Variants in IPO4 observed in about 807,000 individuals in gnomAD.
IPO4 encodes the protein importin-4.
A neutral mutation model predicts 133.5 loss-of-function variants in IPO4; 91 were observed. That is an observed-to-expected ratio of 0.68 (90% CI 0.58 to 0.81). The LOEUF (loss-of-function observed/expected upper bound fraction) is 0.81. IPO4 is among the 30% of genes least tolerant of loss of function. The pLI, the probability that IPO4 is intolerant of heterozygous loss-of-function variation, is 0.00. For synonymous variants in IPO4, 607 were observed against 581.6 expected, an observed-to-expected ratio of 1.04 and a Z score of -0.63; for missense variants, 1,279 against 1,386.2, an observed-to-expected ratio of 0.92 and a Z score of 1.23.
chr14:24,182,220 TG>T, intron 25 of IPO4, 57 bp from the exon 26 acceptor site: 1 of 1,613,632 alleles, frequency 6.2e-7, no homozygotes, highest in Non-Finnish European at 8.5e-7. Context: ...ATAAAGGCTG[TG>T]GTGGGCACCG....
Position 24,186,292 on chromosome 14 carries a change from C to T in IPO4, c.1000G>A (p.Val334Ile), listed in dbSNP as rs1186015837. 2.2e-5 allele frequency: 36 copies of T among 1,605,188 alleles called. No homozygotes were observed. The highest frequency in any genetic ancestry group is 2.8e-5 in the Non-Finnish European group (33 of 1,174,492). The part of the protein sequence containing the change: ...LMGETPKHFA[V>I]QVVDMLALHL... ...TGTCCTGCCCCACATCTCACTTGTA[C>T]AGCGAAATGCTTGGGAGTCTCCCCC... Residue 334 changes from valine to isoleucine, a missense_variant, in exon 10 of 30, where the codon GTA becomes ATA. Val to Ile is a conservative substitution (Grantham distance 29, BLOSUM62 3). Coordinates refer to ENST00000354464, the MANE Select transcript of IPO4 (RefSeq NM_024658.4).
At chr14:24,180,594 A>G (rs1241337873) in intron 29 of IPO4, 22 bp from the exon 30 acceptor site, 5 of 1,612,552 alleles carry the variant, frequency 3.1e-6, no homozygotes, top group Non-Finnish European at 4.2e-6. Context: ...GGGAGGGAGA[A>G]AGGTCGGGGC....
In IPO4 at chr14:24,187,347, G is replaced by A. The variant is rs114258766; in HGVS notation, c.588+53C>T. The A allele has an allele frequency of 5.0e-6, 8 of 1,589,224 alleles. No homozygotes were observed. In the African/African-American group the frequency reaches 1.1e-4, roughly 21 times the overall value. ...CAGCTTTGTAACTTTTACGGGTGAG[G>A]ACATGAAGGCATGAGGAAAGGGAGT... On this transcript the variant is annotated intron_variant, in intron 6 of 29. Transcript: ENST00000354464.
intron 4 of IPO4, 146 bp downstream of exon 4, chr14:24,188,070 G>C (rs1325947840): frequency 1.1e-6 from 1 of 890,684 alleles, no homozygotes; most frequent in East Asian, 2.6e-5. Flanking sequence ...AAGAACTTTA[G>C]TCTTCAAAAC....
chr14:24,188,225 C>G lies in IPO4; in HGVS notation c.269G>C (p.Arg90Thr), dbSNP rs950559504. Reference protein sequence around the residue: ...LKSLILTALQRETEHCVSLSL... With the variant: ...LKSLILTALQTETEHCVSLSL... ...GTGGGTAGGTACTTACTCTGTTTCT[C>G]TCTGCAGGGCCGTCAGGATCAGGGA... Residue 90 changes from arginine to threonine, a missense_variant, in exon 4 of 30, where the codon AGA becomes ACA. By Grantham distance (71) the Arg-to-Thr change is moderately conservative. Coordinates refer to ENST00000354464, the MANE Select transcript of IPO4 (RefSeq NM_024658.4). 6.2e-7 allele frequency: 1 copy of G among 1,613,376 alleles called. No individual in the cohort carries two copies. Among genetic ancestry groups the G allele is most frequent in the African/African-American group, 1.3e-5 (1 of 74,932 alleles).
At position 24,188,547 on chromosome 14, in the gene IPO4, C is replaced by A; in HGVS notation, c.156+5G>T. 1 of 1,611,784 alleles carries A rather than the reference C, an allele frequency of 6.2e-7. No homozygotes were observed. The highest frequency in any genetic ancestry group is 1.7e-5 in the Admixed American group (1 of 59,882). On this transcript the variant is annotated splice_donor_5th_base_variant and intron_variant, in intron 2 of 29. Transcript: ENST00000354464. Reference sequence around the variant, plus strand: ...AAGCTCGGAGGGGAGAGTCAGGGGTCTCACCTGGGGGTCGGCCGCCGAGGC... The same window carrying A: ...AAGCTCGGAGGGGAGAGTCAGGGGTATCACCTGGGGGTCGGCCGCCGAGGC...
intron 14 of IPO4, 42 bp downstream of exon 14, chr14:24,185,141 C>T (rs774699888): frequency 2.2e-5 from 36 of 1,611,844 alleles, no homozygotes; most frequent in South Asian, 8.8e-5. Context: ...CCAAAGCCGC[C>T]GCCTCATCCC....
In IPO4 at chr14:24,183,864, A is replaced by G. The variant is rs770143345; in HGVS notation, c.1904T>C (p.Phe635Ser). 3 of 1,614,054 alleles carry G rather than the reference A, an allele frequency of 1.9e-6. No individual in the cohort carries two copies. Among genetic ancestry groups the G allele is most frequent in the Non-Finnish European group, 2.5e-6 (3 of 1,180,008 alleles). The stretch of plus-strand genomic sequence containing the variant: ...TTCTTCCCCATCACTCTCATCGTCA[A>G]ACAGAAGGAAGGAGCTGCTCCCGTC... Reference protein sequence around the residue: ...QYDGSSSFLLFDDESDGEEEE... With the variant: ...QYDGSSSFLLSDDESDGEEEE... The change falls in exon 19 of 30, where the codon TTT (phenylalanine) becomes TCT (serine). Residue 635 changes from phenylalanine to serine, a missense_variant. Physicochemically the swap from Phe to Ser is radical, Grantham distance 155. Transcript: ENST00000354464.
In IPO4 at chr14:24,186,282, C is replaced by G. The variant is rs753693024; in HGVS notation, c.1005+5G>C. On this transcript the variant is annotated splice_donor_5th_base_variant and intron_variant, in intron 10 of 29. Transcript: ENST00000354464. ...CTTCCCCCTCTGTCCTGCCCCACAT[C>G]TCACTTGTACAGCGAAATGCTTGGG... 6.2e-7 allele frequency: 1 copy of G among 1,602,862 alleles called. No individual in the cohort carries two copies. The highest frequency in any genetic ancestry group is 1.1e-5 in the South Asian group (1 of 89,896).
intron 28 of IPO4, 93 bp from the exon 29 acceptor site, chr14:24,180,851 A>AG: frequency 1.9e-6 from 2 of 1,028,958 alleles, no homozygotes; most frequent in Non-Finnish European, 1.4e-6. Flanking sequence ...ATCTCTTATC[A>AG]GGGGGGTGGT....
At position 24,187,478 on chromosome 14, in the gene IPO4, C is replaced by G. The variant is rs201377584; in HGVS notation, c.510G>C (p.Glu170Asp). The change falls in exon 6 of 30, where the codon GAG becomes GAC. Residue 170 changes from glutamate to aspartate, a missense_variant. This residue lies in a region of IPO4 where 695 missense variants were observed against 704.1 expected (regional missense o/e 0.99). Coordinates refer to ENST00000354464, the MANE Select transcript of IPO4 (RefSeq NM_024658.4). ...LLRLLNETLG[E>D]VGSPGLLFYS... is the part of the protein sequence containing the mutation. ...AGAAGAGCAGCCCAGGAGAGCCCAC[C>G]TCACCAAGAGTCTCATTCAGAAGCC... 103 of 1,614,014 alleles carry G rather than the reference C, an allele frequency of 6.4e-5. No homozygotes were observed. The highest frequency in any genetic ancestry group is 1.1e-5 in the Non-Finnish European group (13 of 1,180,028).
intron 9 of IPO4, 64 bp from the exon 10 acceptor site, chr14:24,186,515 A>G (rs2039225698): frequency 6.6e-7 from 1 of 1,512,558 alleles, no homozygotes; most frequent in Non-Finnish European, 8.9e-7. Context: ...CACATTAAAA[A>G]TTCCAGTCTT....
chr14:24,186,364 G>C lies in IPO4; in HGVS notation c.928C>G (p.Pro310Ala). 6.2e-7 allele frequency: 1 copy of C among 1,613,340 alleles called. No homozygotes were observed. Among genetic ancestry groups the C allele is most frequent in the East Asian group, 2.2e-5 (1 of 44,874 alleles). Residue 310 changes from proline (P) to alanine (A), a missense_variant, in exon 10 of 30, where the codon CCC (proline) becomes GCC (alanine). Physicochemically the swap from Pro to Ala is conservative, Grantham distance 27. Transcript: ENST00000354464. ...TCCTCTTCTGAATCCTGGTCCTCGG[G>C]ATCCAACTGGCCTGGTGGGGGCTCA... ...AAEPPPGQLD[P>A]EDQDSEEEEL...
chr14:24,180,562 G>C lies in IPO4; in HGVS notation c.3126C>G (p.Ala1042=), dbSNP rs768673914. ...ADNKIPPDTK[A]ALLLLLTFLA... is the part of the protein sequence containing the mutation. ...GGAACGTCAGGAGCAGCAACAGTGC[G>C]GCCTTGGTGTCTGGGTGGAGAGGGA... The change falls in exon 30 of 30, where the codon GCC becomes GCG. Residue 1042 remains alanine, a synonymous_variant. Transcript: ENST00000354464. The C allele has an allele frequency of 7.4e-6, 12 of 1,613,716 alleles. No individual in the cohort carries two copies. Among genetic ancestry groups the C allele is most frequent in the Non-Finnish European group, 1.0e-5 (12 of 1,179,722 alleles).
At position 24,186,723 on chromosome 14, in the gene IPO4, G is replaced by C. The variant is rs542978719; in HGVS notation, c.825C>G (p.Val275=). The C allele has an allele frequency of 3.1e-6, 5 of 1,614,008 alleles. No individual in the cohort carries two copies. The highest frequency in any genetic ancestry group is 4.2e-6 in the Non-Finnish European group (5 of 1,179,940). ...IRILCCLTFL[V]KVKSKALLKN... ...ACTCACTTACCTTGCTCTTGACTTT[G>C]ACCAAGAAAGTGAGGCAGCAGAGAA... The change falls in exon 9 of 30, where the codon GTC becomes GTG. Residue 275 remains valine (V), a synonymous_variant. Transcript: ENST00000354464.
rs755959515 is a variant in IPO4 at position 24,183,257 on chromosome 14, G to A, written c.2220C>T (p.Asn740=). 2 of 1,613,650 alleles carry A rather than the reference G, an allele frequency of 1.2e-6. No individual in the cohort carries two copies. The highest frequency in any genetic ancestry group is 8.5e-7 in the Non-Finnish European group (1 of 1,179,816). ...KACQSCPSEP[N]TAALQAALAR... is the part of the protein sequence containing the mutation. ...GGCCCAGCCTCTCCTCACCAGCAGTGTTGGGTTCCGAGGGGCAGCTTTGAC... is the reference window on the plus strand; with the variant it reads ...GGCCCAGCCTCTCCTCACCAGCAGTATTGGGTTCCGAGGGGCAGCTTTGAC... The change falls in exon 22 of 30, where the codon AAC becomes AAT. Residue 740 remains asparagine, a synonymous_variant. Coordinates refer to ENST00000354464, the MANE Select transcript of IPO4 (RefSeq NM_024658.4).
chr14:24,184,572 G>C (rs1410591660), intron 16 of IPO4, 78 bp downstream of exon 16: 3 of 1,407,670 alleles, frequency 2.1e-6, no homozygotes, highest in Middle Eastern at 2.4e-4. Flanking sequence ...GTGCTCCTGT[G>C]GGGGCAATCT....
chr14:24,184,295 C>G lies in IPO4; in HGVS notation c.1757+3G>C, dbSNP rs1269255486. 1 of 1,580,410 alleles carries G rather than the reference C, an allele frequency of 6.3e-7. No individual in the cohort carries two copies. Reference sequence around the variant, plus strand: ...GGCAGAGGCAGGGTGAGGGGTCACTCACGTGCAGCGCCGCAAGTCAGGGTC... The same window carrying G: ...GGCAGAGGCAGGGTGAGGGGTCACTGACGTGCAGCGCCGCAAGTCAGGGTC... On this transcript the variant is annotated splice_donor_region_variant and intron_variant, in intron 17 of 29. Coordinates refer to ENST00000354464, the MANE Select transcript of IPO4 (RefSeq NM_024658.4).
chr14:24,180,852 G>A lies in IPO4; in HGVS notation c.3046-94C>T, dbSNP rs1465882961. 4.0e-6 allele frequency: 4 copies of A among 1,012,106 alleles called. No individual in the cohort carries two copies. The South Asian group carries it at 4.6e-5, about 12-fold the overall frequency. 62.7% of individuals were successfully genotyped at this position (1,012,106 alleles called of 1,614,324 possible). A position where few individuals can be genotyped will look rare whatever the true frequency, so the allele number is the denominator to read the frequency against. On this transcript the variant is annotated intron_variant, in intron 28 of 29. Coordinates refer to ENST00000354464, the MANE Select transcript of IPO4 (RefSeq NM_024658.4). ...CAAGGAGTGGCAGAATCTCTTATCA[G>A]GGGGGTGGTTGCACCTGGTACTGAT...
Sources: gnomAD v4.1 joint callset for allele counts on GRCh38, gnomAD v4.1.1 for gene constraint, gnomAD v4.1.1 regional missense constraint, MANE v1.5 for transcripts, NCBI Gene and HGNC (gene_info 2026-07-23, HGNC 2026-07-21) for gene names.